LBP: variants seen among roughly 807,000 people sequenced by gnomAD.
The protein encoded by LBP is lipopolysaccharide binding protein.
In LBP, 53 loss-of-function variants were observed where a neutral mutation model predicts 56.6. The ratio of observed to expected loss-of-function variants is 0.94; its 90% confidence interval spans 0.75 to 1.18. LBP has a LOEUF of 1.18. Ranked by LOEUF, LBP falls within the 50% of genes most tolerant of loss-of-function variation. LBP has a pLI of 0.00. For synonymous variants in LBP, 227 were observed against 247.5 expected, an observed-to-expected ratio of 0.92 and a Z score of 0.78; for missense variants, 601 against 598.3, an observed-to-expected ratio of 1.00 and a Z score of -0.05.
At chr20:38,368,513 C>T (rs1473345127) in intron 9 of LBP, among the ~76,000 whole-genome samples, 4 of 152,116 alleles carry the variant, frequency 2.6e-5, no homozygotes, top group African/African-American at 7.2e-5. Flanking sequence ...GAAGGAGAAT[C>T]GCTTGAACCC....
At chr20:38,358,164 G>C (rs960594389) in intron 5 of LBP, among the ~76,000 whole-genome samples, 17 of 152,186 alleles carry the variant, frequency 1.1e-4, no homozygotes, top group African/African-American at 4.1e-4. Flanking sequence ...AGTCACTCTA[G>C]TTATAACACC....
chr20:38,360,150 G>A, intron 5 of LBP, among the ~76,000 whole-genome samples: 1 of 151,864 alleles, frequency 6.6e-6, no homozygotes, highest in East Asian at 1.9e-4. Flanking sequence ...TACTTGGGAG[G>A]CTGAGGCAGG....
intron 9 of LBP, 116 bp downstream of exon 9, chr20:38,366,944 A>C (rs2076884530): frequency 1.2e-5 from 11 of 935,976 alleles, no homozygotes; most frequent in Non-Finnish European, 1.9e-5. Flanking sequence ...CCGGGATGAG[A>C]CTCCCACTGA....
In LBP at chr20:38,364,709, A is replaced by C; in HGVS notation, c.878A>C (p.Tyr293Ser). Residue 293 changes from tyrosine (Y) to serine (S), a missense_variant, in exon 8 of 15, where the codon TAT becomes TCT. Coordinates refer to ENST00000217407, the MANE Select transcript of LBP (RefSeq NM_004139.5). Reference protein sequence around the residue: ...DYVFNTASLVYHEEGYLNFSI... With the variant: ...DYVFNTASLVSHEEGYLNFSI... ...GTCTTCAACACGGCCAGCCTGGTTT[A>C]TCATGAGGAAGGATATCTGAACTTC... 6.2e-7 allele frequency: 1 copy of C among 1,613,892 alleles called. No individual in the cohort carries two copies. The highest frequency in any genetic ancestry group is 8.5e-7 in the Non-Finnish European group (1 of 1,179,852).
In LBP at chr20:38,351,274, G is replaced by A. The variant is rs74560625; in HGVS notation, c.368+335G>A. Reference sequence around the variant, plus strand: ...CAGTGCAATACTTTATCTTGGAAGCGATCTGAGGAAACCCACAGGGGAGTG... The same window carrying A: ...CAGTGCAATACTTTATCTTGGAAGCAATCTGAGGAAACCCACAGGGGAGTG... On this transcript the variant is annotated intron_variant, in intron 3 of 14. Coordinates refer to ENST00000217407, the MANE Select transcript of LBP (RefSeq NM_004139.5). 3.5e-3 allele frequency among the ~76,000 whole-genome samples: 532 copies of A among 152,306 alleles called. 1 individual carries two copies. The highest frequency in any genetic ancestry group is 6.8e-3 in the Middle Eastern group (2 of 294).
chr20:38,375,100 A>G (rs561829316), intron 14 of LBP, among the ~76,000 whole-genome samples: 5 of 151,558 alleles, frequency 3.3e-5, no homozygotes, highest in Non-Finnish European at 7.4e-5. Flanking sequence ...TACAGCCAAC[A>G]CTATATATGT....
Position 38,369,175 on chromosome 20 carries a change from G to C in LBP, c.1149+13G>C. 4 of 1,598,438 alleles carry C rather than the reference G, an allele frequency of 2.5e-6. No homozygotes were observed. The highest frequency in any genetic ancestry group is 3.4e-6 in the Non-Finnish European group (4 of 1,173,844). ...CCGGCTCAGTGTGGTAAGGTTCAGAGCCTTTGCAAATGCTGTTTCCTTTTC... is the reference window on the plus strand; with the variant it reads ...CCGGCTCAGTGTGGTAAGGTTCAGACCCTTTGCAAATGCTGTTTCCTTTTC... On this transcript the variant is annotated intron_variant, in intron 10 of 14. Transcript: ENST00000217407.
intron 14 of LBP, among the ~76,000 whole-genome samples, chr20:38,375,180 C>T (rs1484442259): frequency 1.7e-5 from 2 of 116,040 alleles, no homozygotes; most frequent in Non-Finnish European, 3.6e-5. Flanking sequence ...ACTTCTAGTG[C>T]TTTTTGTTTT....
At chr20:38,358,093 C>G (rs1420040123) in intron 5 of LBP, among the ~76,000 whole-genome samples, 2 of 152,144 alleles carry the variant, frequency 1.3e-5, no homozygotes, top group Admixed American at 6.5e-5. Flanking sequence ...CTAAGAATGC[C>G]TAACCTCCTG....
At chr20:38,363,707 A>G (rs1192135030) in intron 6 of LBP, among the ~76,000 whole-genome samples, 4 of 152,052 alleles carry the variant, frequency 2.6e-5, no homozygotes, top group Non-Finnish European at 4.4e-5. Context: ...GCCTGGACTC[A>G]TGGTGTGTGT....
rs999792187 is a variant in LBP, at chr20:38,376,851, T to C, written c.*182T>C. ...TCACCAGGTGCATGCATGCCCTCTC[T>C]GAGTCTGGACTTTGCTTCCCCTCCA... On this transcript the variant is annotated 3_prime_UTR_variant, in exon 15 of 15. Transcript: ENST00000217407. The C allele has an allele frequency of 2.4e-5, 17 of 716,728 alleles. No homozygotes were observed. The Admixed American group carries it at 3.4e-4, about 14-fold the overall frequency. The allele number at this position is 716,728 out of a possible 1,614,324, so 44.4% of individuals were successfully genotyped here.
intron 11 of LBP, 62 bp from the exon 12 acceptor site, chr20:38,371,218 C>G: frequency 7.2e-7 from 1 of 1,393,786 alleles, no homozygotes; most frequent in Non-Finnish European, 1.0e-6. Flanking sequence ...CTTCTGGGGA[C>G]CCCCGCATTG....
At chr20:38,375,505 C>T (rs756149485) in intron 14 of LBP, among the ~76,000 whole-genome samples, 14 of 151,770 alleles carry the variant, frequency 9.2e-5, no homozygotes, top group South Asian at 2.1e-4. Context: ...GGCTTGAACA[C>T]GGGAGGCAGA....
chr20:38,348,519 G>A (rs890611461), intron 1 of LBP, among the ~76,000 whole-genome samples: 36 of 152,034 alleles, frequency 2.4e-4, no homozygotes, highest in African/African-American at 8.2e-4. Context: ...CACTATGTTG[G>A]CCAGGATGGT....
intron 12 of LBP, among the ~76,000 whole-genome samples, chr20:38,372,514 C>T (rs2076904084): frequency 1.3e-5 from 2 of 152,194 alleles, no homozygotes; most frequent in Non-Finnish European, 2.9e-5. Flanking sequence ...ACAAAAACTA[C>T]AGACTCAGAT....
rs781191243 is a variant in LBP at position 38,364,695 on chromosome 20, G to A, written c.864G>A (p.Thr288=). ...YFAISDYVFN[T]ASLVYHEEGY... is the part of the protein sequence containing the mutation. ...CCATCTCGGATTATGTCTTCAACAC[G>A]GCCAGCCTGGTTTATCATGAGGAAG... The change falls in exon 8 of 15, where the codon ACG becomes ACA. Residue 288 remains threonine (T), a synonymous_variant. Coordinates refer to ENST00000217407, the MANE Select transcript of LBP (RefSeq NM_004139.5). The A allele has an allele frequency of 4.3e-6, 7 of 1,613,788 alleles. No homozygotes were observed. The highest frequency in any genetic ancestry group is 1.6e-4 in the Middle Eastern group (1 of 6,080).
intron 10 of LBP, among the ~76,000 whole-genome samples, chr20:38,369,472 A>G (rs2076894101): frequency 6.6e-6 from 1 of 151,948 alleles, no homozygotes; most frequent in South Asian, 2.1e-4. Flanking sequence ...TATTGTGGGG[A>G]GAAAGGTATA....
chr20:38,366,626 A>T, intron 8 of LBP, 143 bp from the exon 9 acceptor site: 1 of 765,612 alleles, frequency 1.3e-6, no homozygotes, highest in Non-Finnish European at 2.3e-6. Context: ...GGGTGAATGC[A>T]GGACAGGCAT....
intron 12 of LBP, 81 bp downstream of exon 12, chr20:38,371,403 A>G (rs1402838324): frequency 1.9e-6 from 2 of 1,045,416 alleles, no homozygotes; most frequent in Non-Finnish European, 2.9e-6. Flanking sequence ...GGCACCTATA[A>G]TAGGAAATAC....
Sources: allele counts gnomAD v4.1 joint callset (sites outside exome capture counted in the v4.1 genomes callset), GRCh38; gene constraint gnomAD v4.1.1; transcripts MANE v1.5; gene names NCBI Gene and HGNC (gene_info 2026-07-23, HGNC 2026-07-21).